The following SUB1 variants were observed in gnomAD, a reference collection of about 807,000 sequenced individuals.
SUB1 encodes the protein SUB1 regulator of transcription, also known as activated RNA polymerase II transcriptional coactivator p15.
Under a neutral mutation model 16.9 loss-of-function variants are expected in SUB1, and 1 was observed. That is an observed-to-expected ratio of 0.06 (90% CI 0.02 to 0.28). SUB1 has a LOEUF of 0.28. Among genes scored for constraint, SUB1 ranks in the 10% least tolerant of loss-of-function variants. The pLI, the probability that SUB1 is intolerant of heterozygous loss-of-function variation, is 1.00. For synonymous variants in SUB1, 51 were observed against 46.9 expected, an observed-to-expected ratio of 1.09 and a Z score of -0.36; for missense variants, 84 against 145.2, an observed-to-expected ratio of 0.58 and a Z score of 2.16.
chr5:32,602,821 T>G lies in SUB1; in HGVS notation c.*1737T>G, dbSNP rs1739147841. On this transcript the variant is annotated 3_prime_UTR_variant, in exon 5 of 5. Transcript: ENST00000265073. The stretch of plus-strand genomic sequence containing the variant: ...GTAGGTTCAGAGAAACTCCCAAAGT[T>G]TGTACTTTAGACACATCATGCTTGA... 6.6e-6 allele frequency: 1 copy of G among 152,288 alleles called. No individual in the cohort carries two copies. The highest frequency in any genetic ancestry group is 2.1e-4 in the South Asian group (1 of 4,842). The allele number at this position is 152,288 out of a possible 1,614,324, so 9.4% of individuals were successfully genotyped here.
intron 3 of SUB1, chr5:32,597,244 C>T (rs1398857325): frequency 6.6e-6 from 1 of 152,140 alleles, no homozygotes; most frequent in African/African-American, 2.4e-5. Flanking sequence ...CAACAGTTCC[C>T]CTTCTCCCAG....
At position 32,602,520 on chromosome 5, in the gene SUB1, T is replaced by A. The variant is rs1363068135; in HGVS notation, c.*1436T>A. On this transcript the variant is annotated 3_prime_UTR_variant, in exon 5 of 5. Coordinates refer to ENST00000265073, the MANE Select transcript of SUB1 (RefSeq NM_006713.4). ...TGCCATATTAGAGTTTTGCACTATT[T>A]TGCTACCAAGTTTGATTCATACATC... 1 of 173,894 alleles carries A rather than the reference T, an allele frequency of 5.8e-6. No homozygotes were observed. The highest frequency in any genetic ancestry group is 1.2e-5 in the Non-Finnish European group (1 of 80,166). 10.8% of individuals were successfully genotyped at this position (173,894 alleles called of 1,614,324 possible).
intron 2 of SUB1, among the ~76,000 whole-genome samples, chr5:32,590,785 T>TTTTTTTTTTTTTTTG (rs1561033588): frequency 7.6e-6 from 1 of 131,940 alleles, no homozygotes. Context: ...TTTTTTTTTT[T>TTTTTTTTTTTTTTTG]GAGATGGAGT....
intron 4 of SUB1, 134 bp downstream of exon 4, chr5:32,599,203 A>C: frequency 1.5e-6 from 1 of 660,038 alleles, no homozygotes; most frequent in Non-Finnish European, 2.6e-6. Flanking sequence ...TATCTTCTGT[A>C]GTTATTTTGG....
At chr5:32,592,765 G>C (rs1304427610) in intron 3 of SUB1, among the ~76,000 whole-genome samples, 1 of 152,074 alleles carries the variant, frequency 6.6e-6, no homozygotes, top group Non-Finnish European at 1.5e-5. Context: ...GTTGGGAAAT[G>C]TTCATGTGGG....
chr5:32,592,878 G>A (rs1738865379), intron 3 of SUB1, among the ~76,000 whole-genome samples: 1 of 152,166 alleles, frequency 6.6e-6, no homozygotes, highest in Admixed American at 6.6e-5. Context: ...ATAGAGAATG[G>A]AAGGAAAAAG....
chr5:32,588,654 A>G, intron 2 of SUB1, 70 bp downstream of exon 2: 1 of 1,468,646 alleles, frequency 6.8e-7, no homozygotes, highest in Non-Finnish European at 9.3e-7. Flanking sequence ...TCTGAAGGAT[A>G]GTAAAAGGTG....
intron 2 of SUB1, among the ~76,000 whole-genome samples, chr5:32,590,762 A>ATCTTTTTTTTTTTTTTTTT (rs1680786256): frequency 2.9e-5 from 1 of 33,960 alleles, no homozygotes; most frequent in Non-Finnish European, 5.4e-5. Context: ...CGCCTGGCTA[A>ATCTTTTTTTTTTTTTTTTT]TTTTTTTTTT....
intron 3 of SUB1, among the ~76,000 whole-genome samples, chr5:32,593,617 T>C (rs752942589): frequency 1.3e-5 from 2 of 152,174 alleles, no homozygotes; most frequent in Non-Finnish European, 2.9e-5. Context: ...AACCCTCATC[T>C]GGAAAGATTC....
At chr5:32,598,936 CTT>C (rs1395145330) in intron 3 of SUB1, 23 bp from the exon 4 acceptor site, 1 of 1,577,298 alleles carries the variant, frequency 6.3e-7, no homozygotes, top group Non-Finnish European at 8.7e-7. Context: ...AGGAGCACCT[CTT>C]TTTATGTTTG....
chr5:32,592,249 A>G (rs1044755044), intron 3 of SUB1, among the ~76,000 whole-genome samples: 2 of 152,244 alleles, frequency 1.3e-5, no homozygotes, highest in Admixed American at 6.5e-5. Context: ...TTTGAAAGCA[A>G]CTTGGAGGAG....
rs572029242 is a variant in SUB1, at chr5:32,588,505, C to T, written c.-1-7C>T. 3.1e-4 allele frequency: 494 copies of T among 1,609,882 alleles called. 6 individuals are homozygous for T. In the South Asian group the frequency reaches 4.9e-3, roughly 16 times the overall value. Reference sequence around the variant, plus strand: ...TTAATTATTTTTGTAATGTATTTTTCTTTCAGGATGCCTAAATCAAAGGAA... The same window carrying T: ...TTAATTATTTTTGTAATGTATTTTTTTTTCAGGATGCCTAAATCAAAGGAA... On this transcript the variant is annotated splice_region_variant and splice_polypyrimidine_tract_variant and intron_variant, in intron 1 of 4. Coordinates refer to ENST00000265073, the MANE Select transcript of SUB1 (RefSeq NM_006713.4).
intron 3 of SUB1, chr5:32,597,579 A>G (rs1291238700): frequency 1.3e-5 from 2 of 152,186 alleles, no homozygotes; most frequent in Non-Finnish European, 2.9e-5. Context: ...TATATTCAGA[A>G]GTAGGATTGC....
chr5:32,595,065 C>T (rs1474582977), intron 3 of SUB1: 1 of 152,368 alleles, frequency 6.6e-6, no homozygotes, highest in Non-Finnish European at 1.5e-5. Flanking sequence ...TTTTTTCTAT[C>T]TTTAAGTAAT....
intron 4 of SUB1, among the ~76,000 whole-genome samples, chr5:32,599,339 G>C (rs1167367943): frequency 1.3e-5 from 2 of 152,130 alleles, no homozygotes; most frequent in African/African-American, 4.8e-5. Context: ...TTTTAAAAAG[G>C]TTTATGCAAT....
At chr5:32,590,001 G>C (rs1422001250) in intron 2 of SUB1, among the ~76,000 whole-genome samples, 1 of 152,112 alleles carries the variant, frequency 6.6e-6, no homozygotes, top group Non-Finnish European at 1.5e-5. Flanking sequence ...GACTATACTT[G>C]AGTAAATTTC....
intron 4 of SUB1, 118 bp from the exon 5 acceptor site, chr5:32,600,887 G>A (rs1016305773): frequency 1.2e-6 from 1 of 835,906 alleles, no homozygotes; most frequent in Non-Finnish European, 1.9e-6. Context: ...TTACAGGTGT[G>A]AGCCACCGCG....
intron 2 of SUB1, among the ~76,000 whole-genome samples, chr5:32,590,573 T>TG (rs1738794712): frequency 6.6e-6 from 1 of 151,532 alleles, no homozygotes; most frequent in Non-Finnish European, 1.5e-5. Flanking sequence ...TCTAAAGATT[T>TG]GCCTAATTGT....
chr5:32,587,283 T>G (rs1308905426), intron 1 of SUB1, among the ~76,000 whole-genome samples: 1 of 152,208 alleles, frequency 6.6e-6, no homozygotes, highest in Non-Finnish European at 1.5e-5. Context: ...AATCAGCGTT[T>G]TATGACCTGG....
Sources: gnomAD v4.1 joint callset for allele counts (sites outside exome capture counted in the v4.1 genomes callset) on GRCh38, gnomAD v4.1.1 for gene constraint, MANE v1.5 for transcripts, NCBI Gene and HGNC (gene_info 2026-07-23, HGNC 2026-07-21) for gene names.